Variants in PXDNL observed in about 807,000 individuals in gnomAD.
PXDNL encodes the protein peroxidasin like.
A neutral mutation model predicts 150.8 loss-of-function variants in PXDNL; 145 were observed. That is an observed-to-expected ratio of 0.96 (90% CI 0.84 to 1.10). PXDNL has a LOEUF of 1.10. PXDNL is among the 50% of genes least tolerant of loss of function. The pLI, the probability that PXDNL is intolerant of heterozygous loss-of-function variation, is 0.00. For synonymous variants in PXDNL, 757 were observed against 725.7 expected (o/e 1.04, Z -0.69); for missense variants, 2,087 against 1,873.9 (o/e 1.11, Z -2.10).
intron 1 of PXDNL, among the ~76,000 whole-genome samples, chr8:51,699,463 T>C (rs1816206466): frequency 6.6e-6 from 1 of 152,222 alleles, no homozygotes; most frequent in South Asian, 2.1e-4. Flanking sequence ...CTTAAGGGAA[T>C]GTTGTGGCTG....
chr8:51,556,376 C>A (rs2130541628), intron 4 of PXDNL, among the ~76,000 whole-genome samples: 1 of 152,122 alleles, frequency 6.6e-6, no homozygotes, highest in Admixed American at 6.6e-5. Context: ...GGTATAATCC[C>A]ATGTTTTGGA....
chr8:51,743,942 G>GGA (rs2036935344), intron 1 of PXDNL, among the ~76,000 whole-genome samples: 2 of 6,280 alleles, frequency 3.2e-4, no homozygotes, highest in South Asian at 6.7e-3. Flanking sequence ...GAAGGAAGGA[G>GGA]AGAAAGAGAG....
At chr8:51,330,400 A>G (rs934202352) in intron 21 of PXDNL, among the ~76,000 whole-genome samples, 4 of 151,008 alleles carry the variant, frequency 2.6e-5, no homozygotes, top group African/African-American at 9.8e-5. Context: ...TAAAAAAAAA[A>G]TGTGGCTATT....
intron 21 of PXDNL, among the ~76,000 whole-genome samples, chr8:51,334,015 A>G (rs1398164329): frequency 1.3e-5 from 2 of 152,168 alleles, no homozygotes; most frequent in African/African-American, 4.8e-5. Context: ...CATAGAATAC[A>G]CATTCTATTC....
chr8:51,747,255 T>C (rs765793616), intron 1 of PXDNL, among the ~76,000 whole-genome samples: 2 of 152,212 alleles, frequency 1.3e-5, no homozygotes, highest in Non-Finnish European at 2.9e-5. Context: ...ACACACACCA[T>C]GCACTGCTGC....
intron 4 of PXDNL, among the ~76,000 whole-genome samples, chr8:51,551,324 AC>A (rs765147261): frequency 6.6e-5 from 10 of 152,140 alleles, no homozygotes; most frequent in Non-Finnish European, 1.3e-4. Flanking sequence ...ACTATGAAAA[AC>A]AATCCTAAAA....
intron 1 of PXDNL, among the ~76,000 whole-genome samples, chr8:51,655,722 T>C (rs1412611737): frequency 6.6e-6 from 1 of 152,180 alleles, no homozygotes; most frequent in Non-Finnish European, 1.5e-5. Flanking sequence ...GGAGTTGTTT[T>C]TAAGCATTGA....
Position 51,381,622 on chromosome 8 carries a change from CTTTATTTATTTATTTA to C in PXDNL, c.3558-6907_3558-6892del, listed in dbSNP as rs143944182. Among the ~76,000 whole-genome samples the C allele has an allele frequency of 7.9e-3, 1,125 of 141,886 alleles. 6 individuals carry two copies. Among genetic ancestry groups the C allele is most frequent in the Middle Eastern group, 0.025 (7 of 278 alleles). The allele number at this position is 141,886 out of a possible 152,430, so 93.1% of individuals were successfully genotyped here. On this transcript the variant is annotated intron_variant, in intron 17 of 22. Transcript: ENST00000356297. The stretch of plus-strand genomic sequence containing the variant: ...GACCCTGATCCAATATGACTGGTGT[CTTTATTTATTTATTTA>C]TTTATTTATTTATTTATTTATTTAT...
At chr8:51,547,926 AT>A (rs1002273033) in intron 4 of PXDNL, among the ~76,000 whole-genome samples, 1 of 152,114 alleles carries the variant, frequency 6.6e-6, no homozygotes, top group Non-Finnish European at 1.5e-5. Context: ...TGAAGAAGAT[AT>A]TTTTTAAAAA....
intron 2 of PXDNL, among the ~76,000 whole-genome samples, chr8:51,654,146 A>G (rs1815101576): frequency 6.6e-6 from 1 of 152,266 alleles, no homozygotes; most frequent in Non-Finnish European, 1.5e-5. Flanking sequence ...CTGTTAAGTG[A>G]ATAAAATAAA....
At chr8:51,638,237 T>A (rs1275079319) in intron 2 of PXDNL, among the ~76,000 whole-genome samples, 1 of 152,194 alleles carries the variant, frequency 6.6e-6, no homozygotes, top group Non-Finnish European at 1.5e-5. Flanking sequence ...TACCAGCCAC[T>A]GCAAAAACAT....
At chr8:51,620,133 A>G (rs913241999) in intron 2 of PXDNL, among the ~76,000 whole-genome samples, 13 of 152,222 alleles carry the variant, frequency 8.5e-5, no homozygotes, top group Non-Finnish European at 1.9e-4. Context: ...TTTTAAAAGA[A>G]CACCTGAAAA....
intron 1 of PXDNL, among the ~76,000 whole-genome samples, chr8:51,756,285 A>G (rs570127727): frequency 6.6e-6 from 1 of 151,904 alleles, no homozygotes; most frequent in East Asian, 1.9e-4. Context: ...TCTGCTACTC[A>G]TGAGGCTGAG....
intron 1 of PXDNL, among the ~76,000 whole-genome samples, chr8:51,764,485 T>C (rs2037204157): frequency 6.6e-6 from 1 of 151,974 alleles, no homozygotes. Flanking sequence ...CTCCACCCTA[T>C]AAGTGTTGTT....
chr8:51,806,997 G>A (rs2037683727), intron 1 of PXDNL, among the ~76,000 whole-genome samples: 1 of 152,154 alleles, frequency 6.6e-6, no homozygotes, highest in Non-Finnish European at 1.5e-5. Context: ...GATACTAATA[G>A]TGAAAACTTC....
intron 1 of PXDNL, among the ~76,000 whole-genome samples, chr8:51,705,872 G>T (rs1816368287): frequency 6.6e-6 from 1 of 151,916 alleles, no homozygotes; most frequent in Non-Finnish European, 1.5e-5. Flanking sequence ...CATGTGTGCA[G>T]ATTCTTACAT....
intron 1 of PXDNL, among the ~76,000 whole-genome samples, chr8:51,706,399 TA>T (rs1299456560): frequency 6.6e-6 from 1 of 152,146 alleles, no homozygotes; most frequent in African/African-American, 2.4e-5. Flanking sequence ...AATGCATAGT[TA>T]AAATACTGGT....
intron 1 of PXDNL, among the ~76,000 whole-genome samples, chr8:51,746,821 A>G (rs2036988780): frequency 6.6e-6 from 1 of 152,180 alleles, no homozygotes; most frequent in Admixed American, 6.5e-5. Flanking sequence ...TCACTGGCTC[A>G]GGTGATTCTC....
At chr8:51,453,887 C>G in intron 9 of PXDNL, 102 bp from the exon 10 acceptor site, 1 of 1,218,530 alleles carries the variant, frequency 8.2e-7, no homozygotes, top group Non-Finnish European at 1.1e-6. Flanking sequence ...TTTCAAAATT[C>G]CTTTAAACTA....
Sources: allele counts gnomAD v4.1 joint callset (sites outside exome capture counted in the v4.1 genomes callset), GRCh38; gene constraint gnomAD v4.1.1; transcripts MANE v1.5; gene names NCBI Gene and HGNC (gene_info 2026-07-23, HGNC 2026-07-21).